IL1RAPL1: variants seen among roughly 807,000 people sequenced by gnomAD.
IL1RAPL1 encodes interleukin-1 receptor accessory protein-like 1.
IL1RAPL1 carries 3 observed loss-of-function variants against 48.4 expected under a neutral mutation model. The observed-to-expected ratio is 0.06, with a 90% CI of 0.03 to 0.16. The LOEUF (loss-of-function observed/expected upper bound fraction) is 0.16, where lower values mean the gene tolerates loss of function less well. Ranked by LOEUF, IL1RAPL1 falls within the 10% of genes least tolerant of loss-of-function variation. The pLI, the probability that IL1RAPL1 is intolerant of heterozygous loss-of-function variation, is 1.00. For synonymous variants in IL1RAPL1, 185 were observed against 187.7 expected, an observed-to-expected ratio of 0.99 and a Z score of 0.12; for missense variants, 349 against 530.6, an observed-to-expected ratio of 0.66 and a Z score of 3.36.
At chrX:29,574,086 G>T (rs1052981507) in intron 5 of IL1RAPL1, among the ~76,000 whole-genome samples, 13 of 110,130 alleles carry the variant, frequency 1.2e-4, no homozygotes, top group African/African-American at 2.6e-4. Flanking sequence ...TCCACAGACT[G>T]TACAGGAAAC....
chrX:28,883,940 A>C (rs189772675), intron 2 of IL1RAPL1, among the ~76,000 whole-genome samples: 1 of 111,724 alleles, frequency 9.0e-6, no homozygotes, highest in South Asian at 3.6e-4. Context: ...TTGTTTATAA[A>C]ATAAAGACAT....
At chrX:29,421,940 A>G (rs1361141973) in intron 5 of IL1RAPL1, among the ~76,000 whole-genome samples, 1 of 111,784 alleles carries the variant, frequency 8.9e-6, no homozygotes, top group African/African-American at 3.3e-5. Context: ...TACCCTGAAA[A>G]ATCAACTCAC....
chrX:29,433,919 C>T (rs1934450744), intron 5 of IL1RAPL1, among the ~76,000 whole-genome samples: 1 of 109,583 alleles, frequency 9.1e-6, no homozygotes, highest in Admixed American at 9.8e-5. Context: ...ACAGTTGTGC[C>T]TTTGGGAACT....
chrX:29,249,316 T>G (rs1256188053), intron 2 of IL1RAPL1, among the ~76,000 whole-genome samples: 1 of 112,203 alleles, frequency 8.9e-6, no homozygotes, highest in African/African-American at 3.2e-5. Flanking sequence ...TTACTTTGTC[T>G]GGGAATTTAA....
intron 2 of IL1RAPL1, among the ~76,000 whole-genome samples, chrX:29,091,345 C>G (rs761715476): frequency 9.0e-6 from 1 of 111,583 alleles, no homozygotes; most frequent in Non-Finnish European, 1.9e-5. Context: ...TTTACCAGAA[C>G]TCTTTATTCA....
chrX:29,954,722 C>G (rs1200232969), intron 10 of IL1RAPL1, 30 bp downstream of exon 10: 12 of 1,088,658 alleles, frequency 1.1e-5, no homozygotes, highest in Non-Finnish European at 1.4e-5. Context: ...TGAGAGTGTG[C>G]ATATTCATGT....
At chrX:29,361,924 A>G (rs924146204) in intron 3 of IL1RAPL1, among the ~76,000 whole-genome samples, 2 of 112,519 alleles carry the variant, frequency 1.8e-5, no homozygotes, top group East Asian at 5.5e-4. Context: ...TGACATTTGC[A>G]TATCAGTTTA....
intron 5 of IL1RAPL1, among the ~76,000 whole-genome samples, chrX:29,475,688 A>G (rs768775087): frequency 8.9e-6 from 1 of 112,005 alleles, no homozygotes; most frequent in South Asian, 3.7e-4. Context: ...CAAGTTTTAT[A>G]TGCGTTCCTA....
At chrX:28,908,833 A>G (rs1923286874) in intron 2 of IL1RAPL1, among the ~76,000 whole-genome samples, 2 of 111,488 alleles carry the variant, frequency 1.8e-5, no homozygotes, top group African/African-American at 3.3e-5. Flanking sequence ...TTTTCTTTTC[A>G]TGTTTATCAG....
intron 2 of IL1RAPL1, among the ~76,000 whole-genome samples, chrX:29,088,323 C>T: frequency 9.0e-6 from 1 of 111,683 alleles, no homozygotes; most frequent in Non-Finnish European, 1.9e-5. Flanking sequence ...AGGTACATTA[C>T]AAAGTGAACT....
intron 2 of IL1RAPL1, among the ~76,000 whole-genome samples, chrX:29,273,457 G>A (rs1012913153): frequency 5.4e-5 from 6 of 111,475 alleles, no homozygotes; most frequent in African/African-American, 2.0e-4. Context: ...CTTTTACCGG[G>A]CCCCTGCCTT....
chrX:29,260,985 AAT>A (rs1931848456), intron 2 of IL1RAPL1, among the ~76,000 whole-genome samples: 2 of 108,016 alleles, frequency 1.9e-5, no homozygotes, highest in East Asian at 2.8e-4. Context: ...CAGTAAAAAT[AAT>A]ATAGTCAATA....
intron 2 of IL1RAPL1, among the ~76,000 whole-genome samples, chrX:29,280,648 C>T (rs757667277): frequency 2.1e-4 from 23 of 112,074 alleles, no homozygotes; most frequent in African/African-American, 7.4e-4. Flanking sequence ...TTAGCAGGCA[C>T]AATTCTAGGC....
chrX:28,783,638 G>C (rs976811580), intron 1 of IL1RAPL1, among the ~76,000 whole-genome samples: 2 of 111,698 alleles, frequency 1.8e-5, no homozygotes, highest in African/African-American at 3.2e-5. Context: ...ATATTGAATA[G>C]ATTGTCAAGT....
At chrX:28,902,674 T>C (rs2147327149) in intron 2 of IL1RAPL1, among the ~76,000 whole-genome samples, 1 of 111,906 alleles carries the variant, frequency 8.9e-6, no homozygotes, top group Admixed American at 9.5e-5. Context: ...CAGGAAGTAC[T>C]TTTTTATTAC....
intron 5 of IL1RAPL1, among the ~76,000 whole-genome samples, chrX:29,539,239 A>C (rs750415913): frequency 4.5e-5 from 5 of 111,921 alleles, no homozygotes; most frequent in Non-Finnish European, 9.4e-5. Context: ...CATTCCTGGG[A>C]TGCAACGTTG....
At chrX:28,613,311 G>A (rs149704027) in intron 1 of IL1RAPL1, among the ~76,000 whole-genome samples, 1,652 of 112,399 alleles carry the variant, frequency 0.015, 26 homozygotes, top group African/African-American at 0.05. Context: ...TTGATAATCA[G>A]CAACATGGGA....
At position 29,782,888 on chromosome X, in the gene IL1RAPL1, A is replaced by ATTTTTTT. The variant is rs780831874; in HGVS notation, c.778+114412_778+114418dup. Reference sequence around the variant, plus strand: ...GAAGATAAAATGGGTTGATCGTGACATTTTTTTTTTTTTTTTTTTTTTTTT... The same window carrying ATTTTTTT: ...GAAGATAAAATGGGTTGATCGTGACATTTTTTTTTTTTTTTTTTTTTTTTTTTTTTTT... On this transcript the variant is annotated intron_variant, in intron 6 of 10. Coordinates refer to ENST00000378993, the MANE Select transcript of IL1RAPL1 (RefSeq NM_014271.4). Among the ~76,000 whole-genome samples, 35 of 31,076 alleles carry ATTTTTTT rather than the reference A, an allele frequency of 1.1e-3. 2 individuals are homozygous for ATTTTTTT. The highest frequency in any genetic ancestry group is 2.5e-3 in the Admixed American group (4 of 1,589). The allele number at this position is 31,076 out of a possible 115,157, so 27.0% of individuals were successfully genotyped here. A position where few individuals can be genotyped will look rare whatever the true frequency, so the allele number is the denominator to read the frequency against.
intron 6 of IL1RAPL1, among the ~76,000 whole-genome samples, chrX:29,768,608 G>A (rs1013943150): frequency 8.9e-6 from 1 of 111,805 alleles, no homozygotes; most frequent in Admixed American, 9.5e-5. Flanking sequence ...GTCTTCCTGT[G>A]TCTAGCTACT....
Sources: gnomAD v4.1 joint callset for allele counts (sites outside exome capture counted in the v4.1 genomes callset) on GRCh38, gnomAD v4.1.1 for gene constraint, MANE v1.5 for transcripts, NCBI Gene and HGNC (gene_info 2026-07-23, HGNC 2026-07-21) for gene names.